The following DNAJC3 variants were observed in gnomAD, a reference collection of about 807,000 sequenced individuals.
The protein encoded by DNAJC3 is dnaJ homolog subfamily C member 3.
DNAJC3 carries 38 observed loss-of-function variants against 68.6 expected under a neutral mutation model. The observed-to-expected ratio is 0.55, with a 90% CI of 0.43 to 0.73. The LOEUF (loss-of-function observed/expected upper bound fraction) is 0.73. Among genes scored for constraint, DNAJC3 ranks in the 30% least tolerant of loss-of-function variants. The pLI is 0.00. For synonymous variants in DNAJC3, 203 were observed against 204.0 expected, an observed-to-expected ratio of 1.00 and a Z score of 0.04; for missense variants, 526 against 591.9, an observed-to-expected ratio of 0.89 and a Z score of 1.16.
At chr13:95,690,783 G>A (rs1401528285) in intron 1 of DNAJC3, among the ~76,000 whole-genome samples, 1 of 145,290 alleles carries the variant, frequency 6.9e-6, no homozygotes, top group African/African-American at 2.6e-5. Flanking sequence ...GGCTGGCCGG[G>A]CGGGGGGCTG....
rs1339526238 is a variant in DNAJC3, at chr13:95,793,171, G to A, written c.*2141G>A. 6.6e-6 allele frequency: 1 copy of A among 152,252 alleles called. No individual in the cohort carries two copies. Among genetic ancestry groups the A allele is most frequent in the Non-Finnish European group, 1.5e-5 (1 of 68,064 alleles). 9.4% of individuals were successfully genotyped at this position (152,252 alleles called of 1,614,324 possible). On this transcript the variant is annotated 3_prime_UTR_variant, in exon 12 of 12. Transcript: ENST00000602402. ...GTTACTTGCCTGTTTTCAGTGAAGA[G>A]AGAGAAGCAGCTCTGGTGCCACATG...
At position 95,794,550 on chromosome 13, in the gene DNAJC3, T is replaced by C. The variant is rs373942078; in HGVS notation, c.*3520T>C. The C allele has an allele frequency of 3.9e-5, 6 of 152,364 alleles. No individual in the cohort carries two copies. The South Asian group carries it at 1.2e-3, about 32-fold the overall frequency. 9.4% of individuals were successfully genotyped at this position (152,364 alleles called of 1,614,324 possible). A position where few individuals can be genotyped will look rare whatever the true frequency, so the allele number is the denominator to read the frequency against. ...CTTTTTCTAAATCAGATCATTCCTTTTTTGTTAGTGGCAGTTTATCCTGTA... is the reference window on the plus strand; with the variant it reads ...CTTTTTCTAAATCAGATCATTCCTTCTTTGTTAGTGGCAGTTTATCCTGTA... On this transcript the variant is annotated 3_prime_UTR_variant, in exon 12 of 12. Coordinates refer to ENST00000602402, the MANE Select transcript of DNAJC3 (RefSeq NM_006260.5).
At chr13:95,725,316 T>C in intron 4 of DNAJC3, 64 bp downstream of exon 4, 2 of 1,252,732 alleles carry the variant, frequency 1.6e-6, no homozygotes, top group Non-Finnish European at 1.1e-6. Context: ...TTGACCTTTT[T>C]TATATTATGA....
chr13:95,697,437 C>T (rs1254097389), intron 1 of DNAJC3, among the ~76,000 whole-genome samples: 1 of 152,182 alleles, frequency 6.6e-6, no homozygotes, highest in African/African-American at 2.4e-5. Context: ...TGATTTGACA[C>T]TTCTGTCTAA....
chr13:95,741,607 G>GT (rs1882147282), intron 4 of DNAJC3, among the ~76,000 whole-genome samples: 1 of 152,116 alleles, frequency 6.6e-6, no homozygotes, highest in African/African-American at 2.4e-5. Flanking sequence ...GTGGGTCCGT[G>GT]GGTCCCTGGG....
intron 1 of DNAJC3, among the ~76,000 whole-genome samples, chr13:95,696,445 G>A (rs928567614): frequency 7.9e-5 from 12 of 152,132 alleles, no homozygotes; most frequent in East Asian, 3.9e-4. Flanking sequence ...TAAATAAGAC[G>A]TCTTGATGGA....
At chr13:95,735,361 G>T in intron 4 of DNAJC3, among the ~76,000 whole-genome samples, 1 of 104,402 alleles carries the variant, frequency 9.6e-6, no homozygotes, top group Non-Finnish European at 1.9e-5. Context: ...GGGTCAAATG[G>T]TATTTCCAGT....
intron 6 of DNAJC3, 39 bp from the exon 7 acceptor site, chr13:95,760,640 T>A (rs1204171735): frequency 5.7e-6 from 9 of 1,569,638 alleles, no homozygotes; most frequent in Non-Finnish European, 7.8e-6. Flanking sequence ...ATTGATTGTT[T>A]TGACATGGAG....
chr13:95,690,702 T>C (rs865875708), intron 1 of DNAJC3, among the ~76,000 whole-genome samples: 1,695 of 101,232 alleles, frequency 0.017, 50 homozygotes, highest in African/African-American at 0.061. Context: ...GGCGGCTGGC[T>C]GGGCAGAGAG....
chr13:95,756,754 A>T (rs1207808077), intron 4 of DNAJC3, among the ~76,000 whole-genome samples: 1 of 152,130 alleles, frequency 6.6e-6, no homozygotes, highest in Non-Finnish European at 1.5e-5. Flanking sequence ...TATAAACTAC[A>T]ATCTTAACCT....
intron 7 of DNAJC3, among the ~76,000 whole-genome samples, chr13:95,761,244 G>T (rs1029358948): frequency 6.6e-6 from 1 of 152,074 alleles, no homozygotes; most frequent in Non-Finnish European, 1.5e-5. Flanking sequence ...GATGGTAAAG[G>T]CAAGGAGTAA....
intron 4 of DNAJC3, among the ~76,000 whole-genome samples, chr13:95,731,694 T>G (rs908303715): frequency 5.9e-5 from 9 of 152,060 alleles, no homozygotes; most frequent in African/African-American, 1.4e-4. Context: ...TTGTTTGAGA[T>G]AGGGTCTTCC....
chr13:95,777,317 T>C (rs1305435590), intron 9 of DNAJC3, among the ~76,000 whole-genome samples: 1 of 152,160 alleles, frequency 6.6e-6, no homozygotes, highest in Non-Finnish European at 1.5e-5. Context: ...AAGTCTGAAT[T>C]ATGCTAGGAT....
intron 2 of DNAJC3, among the ~76,000 whole-genome samples, chr13:95,720,396 A>C (rs1881285185): frequency 6.6e-6 from 1 of 152,202 alleles, no homozygotes; most frequent in Non-Finnish European, 1.5e-5. Flanking sequence ...AACATTTTGG[A>C]ATACATGGAC....
intron 1 of DNAJC3, chr13:95,693,505 T>C (rs1880340248): frequency 1.3e-5 from 2 of 152,180 alleles, no homozygotes; most frequent in Admixed American, 1.3e-4. Context: ...TAATAGGCAG[T>C]ATCTTCACTG....
intron 10 of DNAJC3, among the ~76,000 whole-genome samples, chr13:95,786,323 T>A (rs539936439): frequency 6.6e-6 from 1 of 152,006 alleles, no homozygotes; most frequent in Admixed American, 6.5e-5. Context: ...CATGAATGGG[T>A]CCTAAGCCTA....
rs1883823839 is a variant in DNAJC3 at position 95,792,896 on chromosome 13, A to G, written c.*1866A>G. 6.6e-6 allele frequency: 1 copy of G among 152,188 alleles called. No individual in the cohort carries two copies. Among genetic ancestry groups the G allele is most frequent in the South Asian group, 2.1e-4 (1 of 4,828 alleles). The allele number at this position is 152,188 out of a possible 1,614,324, so 9.4% of individuals were successfully genotyped here. ...ATAGTGATGGCTTTTACCTACTTTG[A>G]AAAGAATTTTCACATAGAGTCAGAA... On this transcript the variant is annotated 3_prime_UTR_variant, in exon 12 of 12. Coordinates refer to ENST00000602402, the MANE Select transcript of DNAJC3 (RefSeq NM_006260.5).
intron 1 of DNAJC3, among the ~76,000 whole-genome samples, chr13:95,698,343 T>C (rs1474674287): frequency 6.6e-6 from 1 of 152,210 alleles, no homozygotes; most frequent in Admixed American, 6.5e-5. Flanking sequence ...GGTGATGGGC[T>C]AGACAGTGGA....
At position 95,760,124 on chromosome 13, in the gene DNAJC3, T is replaced by C. The variant is rs142310770; in HGVS notation, c.631T>C (p.Leu211=). The C allele has an allele frequency of 1.3e-4, 215 of 1,613,126 alleles. 1 individual carries two copies. The East Asian group carries it at 4.3e-3, about 32-fold the overall frequency. Residue 211 remains leucine, a synonymous_variant, in exon 6 of 12, where the codon TTA becomes CTA. Transcript: ENST00000602402. ...EGEPRKAISD[L]KAASKLKNDN... ...AGAACCTAGGAAAGCTATAAGTGAC[T>C]TAAAAGCTGCGTCAAAGTTGAAGAA...
Sources: allele counts gnomAD v4.1 joint callset (sites outside exome capture counted in the v4.1 genomes callset), GRCh38; gene constraint gnomAD v4.1.1; transcripts MANE v1.5; gene names NCBI Gene and HGNC (gene_info 2026-07-23, HGNC 2026-07-21).